Variants in APOB observed in about 807,000 individuals in gnomAD.
APOB encodes apolipoprotein B-100.
APOB carries 153 observed loss-of-function variants against 314.1 expected under a neutral mutation model. That is an observed-to-expected ratio of 0.49 (90% CI 0.43 to 0.56). The LOEUF (loss-of-function observed/expected upper bound fraction) is 0.56, where lower values mean the gene tolerates loss of function less well. Among genes scored for constraint, APOB ranks in the 20% least tolerant of loss-of-function variants. The probability of loss-of-function intolerance (pLI) is 0.00; values close to 1 mark genes in which losing one functional copy is unlikely to be tolerated. For synonymous variants in APOB, 2,087 were observed against 2,036.4 expected, an observed-to-expected ratio of 1.02 and a Z score of -0.67; for missense variants, 5,430 against 5,350.7, an observed-to-expected ratio of 1.01 and a Z score of -0.46.
rs1663182216 is a variant in APOB, at chr2:21,007,633, T to A, written c.9235A>T (p.Ser3079Cys). 1.9e-6 allele frequency: 3 copies of A among 1,614,096 alleles called. No individual in the cohort carries two copies. Among genetic ancestry groups the A allele is most frequent in the Non-Finnish European group, 2.5e-6 (3 of 1,179,946 alleles). The change falls in exon 26 of 29, where the codon AGT becomes TGT. Residue 3079 changes from serine to cysteine, a missense_variant. By Grantham distance (112) the Ser-to-Cys change is moderately radical (BLOSUM62 -1). Around this residue, in one of 3 missense-constraint regions of APOB, gnomAD observed 3,281 missense variants for 3,171.0 expected, o/e 1.03. Transcript: ENST00000233242. Reference sequence around the variant, plus strand: ...CAACTTGCTTGCTGGGCACTGGGACTCAGAAACAGTGCATAGTTATTCAGG... The same window carrying A: ...CAACTTGCTTGCTGGGCACTGGGACACAGAAACAGTGCATAGTTATTCAGG... ...DFLNNYALFLSPSAQQASWQV... is the reference protein window; with the variant it reads ...DFLNNYALFLCPSAQQASWQV...
Position 21,009,879 on chromosome 2 carries a change from A to T in APOB, c.6989T>A (p.Val2330Glu), listed in dbSNP as rs200940198. The T allele has an allele frequency of 1.2e-6, 2 of 1,614,016 alleles. No individual in the cohort carries two copies. The highest frequency in any genetic ancestry group is 1.7e-5 in the Admixed American group (1 of 60,016). Residue 2330 changes from valine (V) to glutamate (E), a missense_variant, in exon 26 of 29, where the codon GTA becomes GAA. This residue lies in a region of APOB where 3,281 missense variants were observed against 3,171.0 expected (regional missense o/e 1.03). Transcript: ENST00000233242. ...TCTGAAGGCATTGATTTTCTCAGCT[A>T]CTTCAAAATCCCCAATAAGATTTAT... ...FVINLIGDFE[V>E]AEKINAFRAK... is the part of the protein sequence containing the mutation.
At chr2:21,042,322 C>T (rs1221702490) in intron 3 of APOB, 39 bp downstream of exon 3, 2 of 1,523,628 alleles carry the variant, frequency 1.3e-6, no homozygotes, top group Non-Finnish European at 1.8e-6. Context: ...TGGGGGAAAG[C>T]TGTGGGCTCT....
intron 23 of APOB, 52 bp from the exon 24 acceptor site, chr2:21,014,645 G>A (rs1572787322): frequency 1.9e-6 from 3 of 1,603,936 alleles, no homozygotes; most frequent in African/African-American, 2.7e-5. Flanking sequence ...GAGCCTCAAA[G>A]AGCAATGAAC....
chr2:21,043,768 C>T (rs1374332562), intron 1 of APOB, 96 bp downstream of exon 1: 21 of 1,512,558 alleles, frequency 1.4e-5, no homozygotes, highest in Non-Finnish European at 1.9e-5. Flanking sequence ...CCTGTGGCTG[C>T]CCTCCCTCTG....
chr2:21,020,921 T>A (rs1572791761), intron 18 of APOB, among the ~76,000 whole-genome samples: 1 of 152,196 alleles, frequency 6.6e-6, no homozygotes, highest in African/African-American at 2.4e-5. Context: ...TTGCTGGTTA[T>A]TCCCCTTCTT....
At chr2:21,025,739 G>T (rs1191030887) in intron 15 of APOB, among the ~76,000 whole-genome samples, 1 of 152,186 alleles carries the variant, frequency 6.6e-6, no homozygotes, top group African/African-American at 2.4e-5. Context: ...TTACTGCCTT[G>T]CTCTGCAAAG....
chr2:21,031,136 A>G (rs1449825642), intron 10 of APOB, among the ~76,000 whole-genome samples: 1 of 152,248 alleles, frequency 6.6e-6, no homozygotes, highest in African/African-American at 2.4e-5. Context: ...CATTATATCC[A>G]AAGGAAACCT....
Position 21,019,152 on chromosome 2 carries a change from G to T in APOB, c.3000-39C>A, listed in dbSNP as rs200820506. 1.3e-5 allele frequency: 21 copies of T among 1,613,238 alleles called. No homozygotes were observed. In the Middle Eastern group the frequency reaches 5.0e-4, roughly 38 times the overall value. On this transcript the variant is annotated intron_variant, in intron 19 of 28. Transcript: ENST00000233242. ...AATGAAGACAGTGCATAATGTTAGA[G>T]CTTTCAAGGATGGTGATTATGTTCC...
intron 7 of APOB, among the ~76,000 whole-genome samples, chr2:21,035,215 A>G (rs528996218): frequency 6.6e-5 from 10 of 152,018 alleles, no homozygotes; most frequent in African/African-American, 2.4e-4. Context: ...GCAGTTACTC[A>G]ATATATATTC....
chr2:21,020,793 C>A (rs979220003), intron 18 of APOB, among the ~76,000 whole-genome samples: 5 of 152,224 alleles, frequency 3.3e-5, no homozygotes, highest in African/African-American at 1.2e-4. Context: ...GTGCTGGAGT[C>A]CTAATGCCAG....
In APOB at chr2:21,007,368, T is replaced by G. The variant is rs765018719; in HGVS notation, c.9500A>C (p.Gln3167Pro). 1.2e-6 allele frequency: 2 copies of G among 1,614,100 alleles called. No individual in the cohort carries two copies. The highest frequency in any genetic ancestry group is 1.7e-5 in the Admixed American group (1 of 59,998). The change falls in exon 26 of 29, where the codon CAA (glutamine) becomes CCA (proline). Residue 3167 changes from glutamine (Q) to proline (P), a missense_variant. This residue lies in a region of APOB where 3,281 missense variants were observed against 3,171.0 expected (regional missense o/e 1.03). Coordinates refer to ENST00000233242, the MANE Select transcript of APOB (RefSeq NM_000384.3). ...GLKEFLKTTK[Q>P]SFDLSVKAQY... is the part of the protein sequence containing the mutation. The stretch of plus-strand genomic sequence containing the variant: ...AGCTTTTACACTTAAATCAAATGAT[T>G]GCTTTGTCGTTTTCAAGAATTCCTT...
rs1313726723 is a variant in APOB, at chr2:21,009,519, A to G, written c.7349T>C (p.Leu2450Pro). 1.9e-6 allele frequency: 3 copies of G among 1,614,048 alleles called. No individual in the cohort carries two copies. The South Asian group carries it at 3.3e-5, about 18-fold the overall frequency. Reference sequence around the variant, plus strand: ...TTCCAGAGCCTGAATTTCACCATTGAGTCTCTGAGTCACCTCACGGATTTT... The same window carrying G: ...TTCCAGAGCCTGAATTTCACCATTGGGTCTCTGAGTCACCTCACGGATTTT... ...NDKIREVTQR[L>P]NGEIQALELP... The change falls in exon 26 of 29, where the codon CTC becomes CCC. Residue 2450 changes from leucine to proline, a missense_variant. Physicochemically the swap from Leu to Pro is moderately conservative, Grantham distance 98. Coordinates refer to ENST00000233242, the MANE Select transcript of APOB (RefSeq NM_000384.3).
Position 21,016,551 on chromosome 2 carries a change from C to T in APOB, c.3220G>A (p.Gly1074Arg), listed in dbSNP as rs72653074. ...VQIPDFDVDL[G>R]TILRVNDEST... ...TCATCATTAACTCTGAGGATTGTTC[C>T]GAGGTCAACATCAAAATCCGGAATT... Residue 1074 changes from glycine (G) to arginine (R), a missense_variant, in exon 21 of 29, where the codon GGA (glycine) becomes AGA (arginine). By Grantham distance (125) the Gly-to-Arg change is moderately radical. Transcript: ENST00000233242. 62 of 1,607,356 alleles carry T rather than the reference C, an allele frequency of 3.9e-5. No individual in the cohort carries two copies. The highest frequency in any genetic ancestry group is 4.8e-5 in the Non-Finnish European group (56 of 1,173,878).
chr2:21,038,954 C>T (rs1664071560), intron 4 of APOB, among the ~76,000 whole-genome samples: 2 of 152,198 alleles, frequency 1.3e-5, no homozygotes, highest in Admixed American at 1.3e-4. Context: ...GCAGAACATT[C>T]CATTCCATGG....
At chr2:21,018,023 C>T (rs982371536) in intron 20 of APOB, among the ~76,000 whole-genome samples, 1 of 152,186 alleles carries the variant, frequency 6.6e-6, no homozygotes, top group African/African-American at 2.4e-5. Context: ...CCTCCAGTAG[C>T]CCTTTCCATC....
Position 21,044,006 on chromosome 2 carries a change from T to A in APOB, c.-61A>T. 1.1e-6 allele frequency: 1 copy of A among 917,310 alleles called. No individual in the cohort carries two copies. The highest frequency in any genetic ancestry group is 1.4e-6 in the Non-Finnish European group (1 of 708,082). The allele number at this position is 917,310 out of a possible 1,614,324, so 56.8% of individuals were successfully genotyped here. A position where few individuals can be genotyped will look rare whatever the true frequency, so the allele number is the denominator to read the frequency against. On this transcript the variant is annotated 5_prime_UTR_variant, in exon 1 of 29. Coordinates refer to ENST00000233242, the MANE Select transcript of APOB (RefSeq NM_000384.3). ...CTGGCCTCGGCCTCGCGGCCCTGGCTGGCTGGGCGGGCTCCTCAGCGGCAG... is the reference window on the plus strand; with the variant it reads ...CTGGCCTCGGCCTCGCGGCCCTGGCAGGCTGGGCGGGCTCCTCAGCGGCAG...
At chr2:21,003,471 T>A (rs561824573) in intron 28 of APOB, 137 bp from the exon 29 acceptor site, 2 of 778,480 alleles carry the variant, frequency 2.6e-6, no homozygotes, top group South Asian at 3.3e-5. Context: ...ATCTTTCATA[T>A]GTCAGTTCAT....
At chr2:21,030,876 G>T (rs571685510) in intron 10 of APOB, among the ~76,000 whole-genome samples, 1 of 152,102 alleles carries the variant, frequency 6.6e-6, no homozygotes, top group African/African-American at 2.4e-5. Context: ...AATCATTAGA[G>T]AAATGTAAAT....
At chr2:21,015,915 C>G (rs894017424) in intron 21 of APOB, among the ~76,000 whole-genome samples, 4 of 149,138 alleles carry the variant, frequency 2.7e-5, no homozygotes, top group Non-Finnish European at 3.0e-5. Context: ...TTAAAGCACC[C>G]AGCACTGTGC....
Sources: gnomAD v4.1 joint callset for allele counts (sites outside exome capture counted in the v4.1 genomes callset) on GRCh38, gnomAD v4.1.1 for gene constraint, gnomAD v4.1.1 regional missense constraint, MANE v1.5 for transcripts, NCBI Gene and HGNC (gene_info 2026-07-23, HGNC 2026-07-21) for gene names.